The following LOXL1 variants were observed in gnomAD, a reference collection of about 807,000 sequenced individuals.
LOXL1 encodes the protein lysyl oxidase homolog 1.
A neutral mutation model predicts 62.2 loss-of-function variants in LOXL1; 31 were observed. That is an observed-to-expected ratio of 0.50 (90% CI 0.37 to 0.67). The LOEUF (loss-of-function observed/expected upper bound fraction) is 0.67, where lower values mean the gene tolerates loss of function less well. LOXL1 is among the 30% of genes least tolerant of loss of function. The pLI is 0.00. For synonymous variants in LOXL1, 403 were observed against 384.4 expected (o/e 1.05, Z -0.56); for missense variants, 775 against 843.4 (o/e 0.92, Z 1.00).
chr15:73,932,849 A>G (rs2068644611), intron 1 of LOXL1, among the ~76,000 whole-genome samples: 1 of 152,162 alleles, frequency 6.6e-6, no homozygotes, highest in Admixed American at 6.5e-5. Context: ...AGAAAGAAAA[A>G]GAGTCTTCAG....
intron 1 of LOXL1, among the ~76,000 whole-genome samples, chr15:73,933,469 T>C (rs1245104404): frequency 2.6e-5 from 4 of 151,942 alleles, no homozygotes; most frequent in Non-Finnish European, 4.4e-5. Context: ...CCCCACAGAG[T>C]TGCTGGGGAT....
At chr15:73,933,532 T>A (rs1381209698) in intron 1 of LOXL1, among the ~76,000 whole-genome samples, 1 of 152,250 alleles carries the variant, frequency 6.6e-6, no homozygotes, top group East Asian at 1.9e-4. Flanking sequence ...ACCAGGTTAC[T>A]GCTAGACTTG....
At position 73,945,776 on chromosome 15, in the gene LOXL1, C is replaced by A. The variant is rs565623112; in HGVS notation, c.1212-641C>A. On this transcript the variant is annotated intron_variant, in intron 2 of 6. Coordinates refer to ENST00000261921, the MANE Select transcript of LOXL1 (RefSeq NM_005576.4). The surrounding 1 kb of genome is among the most constrained non-coding windows in gnomAD (Gnocchi z 4.3). ...TTGCCCAGACTGGAGTGCAGCAGCA[C>A]AATTATAGCTCATTGCAGCCTCAAA... Among the ~76,000 whole-genome samples, 8 of 151,920 alleles carry A rather than the reference C, an allele frequency of 5.3e-5. No homozygotes were observed. Among genetic ancestry groups the A allele is most frequent in the African/African-American group, 1.9e-4 (8 of 41,400 alleles).
At chr15:73,934,902 C>T (rs2068660042) in intron 1 of LOXL1, among the ~76,000 whole-genome samples, 1 of 152,098 alleles carries the variant, frequency 6.6e-6, no homozygotes, top group Non-Finnish European at 1.5e-5. Flanking sequence ...ATGAGTGAGC[C>T]ATGCAGCTGT....
intron 5 of LOXL1, among the ~76,000 whole-genome samples, chr15:73,948,882 T>C (rs1382016559): frequency 6.6e-6 from 1 of 152,254 alleles, no homozygotes; most frequent in East Asian, 1.9e-4. Context: ...GTTGCATCCC[T>C]GCATCTGTTC....
At chr15:73,931,165 C>T (rs929556594) in intron 1 of LOXL1, among the ~76,000 whole-genome samples, 11 of 78,986 alleles carry the variant, frequency 1.4e-4, no homozygotes, top group African/African-American at 3.5e-4. Context: ...CCTGACTCAC[C>T]GGCTCTGGCA....
chr15:73,928,027 C>T (rs920133520), intron 1 of LOXL1, 142 bp downstream of exon 1: 2 of 716,422 alleles, frequency 2.8e-6, no homozygotes, highest in Non-Finnish European at 3.9e-6. Flanking sequence ...CTCCCGACTT[C>T]CCCCGACCCA....
chr15:73,938,009 G>A (rs775104616), intron 1 of LOXL1, among the ~76,000 whole-genome samples: 65 of 152,314 alleles, frequency 4.3e-4, no homozygotes, highest in Middle Eastern at 3.4e-3. Flanking sequence ...GAGGCTGGCC[G>A]GGTGCGGTCA....
Position 73,926,609 on chromosome 15 carries a change from T to G in LOXL1, c.-175T>G, listed in dbSNP as rs1441233710. On this transcript the variant is annotated 5_prime_UTR_variant, in exon 1 of 7. Transcript: ENST00000261921. ...CCTGCCCTGCCCTGACCCCTTGGCC[T>G]TGAAATGCTGTCATCGGAGGAGCCG... 9 of 708,068 alleles carry G rather than the reference T, an allele frequency of 1.3e-5. No individual in the cohort carries two copies. Among genetic ancestry groups the G allele is most frequent in the Non-Finnish European group, 1.8e-5 (9 of 488,080 alleles). The allele number at this position is 708,068 out of a possible 1,614,324, so 43.9% of individuals were successfully genotyped here. A position where few individuals can be genotyped will look rare whatever the true frequency, so the allele number is the denominator to read the frequency against.
At chr15:73,939,895 G>A (rs1002102274) in intron 1 of LOXL1, among the ~76,000 whole-genome samples, 16 of 152,080 alleles carry the variant, frequency 1.1e-4, no homozygotes, top group African/African-American at 2.9e-4. Context: ...AGTTTCCTCC[G>A]GTGCTTCCAA....
intron 4 of LOXL1, 96 bp from the exon 5 acceptor site, chr15:73,947,711 C>T (rs1025258460): frequency 1.0e-5 from 9 of 865,632 alleles, no homozygotes; most frequent in Non-Finnish European, 1.7e-5. Context: ...AGGGGAGAAA[C>T]CCAGGGGAAG....
intron 1 of LOXL1, among the ~76,000 whole-genome samples, chr15:73,928,848 C>T (rs1170999182): frequency 6.7e-6 from 1 of 148,628 alleles, no homozygotes; most frequent in Non-Finnish European, 1.5e-5. Context: ...TTTGGCACCC[C>T]CTAAAATTTT....
rs57113197 is a variant in LOXL1, at chr15:73,940,684, A to G, written c.1103-2170A>G. ...CAGGGCCAGGGTTCAGTATGTGACC[A>G]AGGTCAGCGCTTAATGTGACCAGGG... On this transcript the variant is annotated intron_variant, in intron 1 of 6. Coordinates refer to ENST00000261921, the MANE Select transcript of LOXL1 (RefSeq NM_005576.4). Among the ~76,000 whole-genome samples, 948 of 152,220 alleles carry G rather than the reference A, an allele frequency of 6.2e-3. 15 individuals carry two copies. Among genetic ancestry groups the G allele is most frequent in the African/African-American group, 0.022 (903 of 41,524 alleles).
intron 6 of LOXL1, among the ~76,000 whole-genome samples, chr15:73,951,087 A>AAGAATTCTAGGGAAG (rs2068782117): frequency 6.6e-6 from 1 of 152,162 alleles, no homozygotes; most frequent in Admixed American, 6.5e-5. Flanking sequence ...CTAGGGAAGG[A>AAGAATTCTAGGGAAG]GGAGGAAGGA....
chr15:73,928,910 C>T (rs1475375828), intron 1 of LOXL1, among the ~76,000 whole-genome samples: 1 of 152,006 alleles, frequency 6.6e-6, no homozygotes, highest in Non-Finnish European at 1.5e-5. Context: ...ATTCCCCTCA[C>T]CCTAGTCCTG....
chr15:73,932,355 T>C (rs1423944614), intron 1 of LOXL1, among the ~76,000 whole-genome samples: 2 of 152,204 alleles, frequency 1.3e-5, no homozygotes, highest in African/African-American at 4.8e-5. Context: ...TTTGAGTCTG[T>C]GTGACTCTCT....
chr15:73,948,172 T>C (rs1304321925), intron 5 of LOXL1, among the ~76,000 whole-genome samples: 2 of 152,180 alleles, frequency 1.3e-5, no homozygotes, highest in African/African-American at 4.8e-5. Context: ...TCTCCCTAAG[T>C]GACAGAGGAC....
rs1220539630 is a variant in LOXL1 at position 73,927,253 on chromosome 15, C to G, written c.470C>G (p.Ser157Trp). The G allele has an allele frequency of 6.2e-7, 1 of 1,600,860 alleles. No homozygotes were observed. The highest frequency in any genetic ancestry group is 1.4e-5 in the African/African-American group (1 of 74,040). The change falls in exon 1 of 7, where the codon TCG (serine) becomes TGG (tryptophan). Residue 157 changes from serine to tryptophan, a missense_variant. By Grantham distance (177) the Ser-to-Trp change is radical (BLOSUM62 -3). Transcript: ENST00000261921. ...CAACGGCACGGGGGCTCCGCCTCCT[C>G]GGTCTCGGCTTCGGCCTTCGCCAGC... ...SQQRHGGSAS[S>W]VSASAFASTY...
chr15:73,951,945 C>T lies in LOXL1; in HGVS notation c.*108C>T, dbSNP rs954911178. 4.5e-5 allele frequency: 44 copies of T among 982,546 alleles called. No individual in the cohort carries two copies. The highest frequency in any genetic ancestry group is 3.8e-5 in the Admixed American group (1 of 26,124). The allele number at this position is 982,546 out of a possible 1,614,324, so 60.9% of individuals were successfully genotyped here. A position where few individuals can be genotyped will look rare whatever the true frequency, so the allele number is the denominator to read the frequency against. On this transcript the variant is annotated 3_prime_UTR_variant, in exon 7 of 7. Coordinates refer to ENST00000261921, the MANE Select transcript of LOXL1 (RefSeq NM_005576.4). ...CCCCCAACCCACAGGCACGGAGGGG[C>T]ATCCCTCCCTGCCGGCCTCAGGGAG... is the stretch of plus-strand genomic sequence containing the variant.
Sources: allele counts gnomAD v4.1 joint callset (sites outside exome capture counted in the v4.1 genomes callset), GRCh38; gene constraint gnomAD v4.1.1; non-coding constraint Gnocchi (gnomAD v3.1); transcripts MANE v1.5; gene names NCBI Gene and HGNC (gene_info 2026-07-23, HGNC 2026-07-21).